PDS5B: variants seen among roughly 807,000 people sequenced by gnomAD.
PDS5B encodes the protein PDS5 cohesin associated factor B.
Under a neutral mutation model 184.1 loss-of-function variants are expected in PDS5B, and 51 were observed. The observed-to-expected ratio is 0.28, with a 90% confidence interval of 0.22 to 0.35. PDS5B has a LOEUF of 0.35. Among genes scored for constraint, PDS5B ranks in the 10% least tolerant of loss-of-function variants. The pLI, the probability that PDS5B is intolerant of heterozygous loss-of-function variation, is 1.00. For synonymous variants in PDS5B, 566 were observed against 569.2 expected (o/e 0.99, Z 0.08); for missense variants, 1,180 against 1,723.3 (o/e 0.68, Z 5.58).
At chr13:32,662,775 T>G (rs1424962422) in intron 6 of PDS5B, among the ~76,000 whole-genome samples, 2 of 152,100 alleles carry the variant, frequency 1.3e-5, no homozygotes, top group African/African-American at 2.4e-5. Context: ...ATTAGTGAAA[T>G]AGAAAACACA....
intron 1 of PDS5B, among the ~76,000 whole-genome samples, chr13:32,607,116 C>A (rs1181249146): frequency 2.0e-5 from 3 of 152,248 alleles, no homozygotes; most frequent in Non-Finnish European, 4.4e-5. Flanking sequence ...AGCTGTGTTC[C>A]TTTGGAGGAG....
At chr13:32,726,233 T>C (rs1037792841) in intron 19 of PDS5B, among the ~76,000 whole-genome samples, 1 of 151,936 alleles carries the variant, frequency 6.6e-6, no homozygotes, top group Admixed American at 6.6e-5. Flanking sequence ...AGATAAACTA[T>C]ATACACTTTT....
chr13:32,641,127 C>T lies in PDS5B; in HGVS notation c.-19-7627C>T, dbSNP rs145303451. 6.2e-4 allele frequency among the ~76,000 whole-genome samples: 94 copies of T among 151,310 alleles called. No homozygotes were observed. In the East Asian group the frequency reaches 0.017, roughly 27 times the overall value. The stretch of plus-strand genomic sequence containing the variant: ...TTTATAAAATAGAGTCTGATATAGG[C>T]CAGTTTTATATGACTATTTTCTAAG... On this transcript the variant is annotated intron_variant, in intron 1 of 34. Transcript: ENST00000315596.
At chr13:32,628,343 G>A (rs1185116650) in intron 1 of PDS5B, among the ~76,000 whole-genome samples, 1 of 151,928 alleles carries the variant, frequency 6.6e-6, no homozygotes, top group Non-Finnish European at 1.5e-5. Context: ...GATCACTTGA[G>A]GTCAGGAGTT....
intron 7 of PDS5B, among the ~76,000 whole-genome samples, chr13:32,669,271 A>C (rs907637598): frequency 8.6e-5 from 13 of 151,158 alleles, no homozygotes; most frequent in Middle Eastern, 7.0e-3. Flanking sequence ...TCATATTGCC[A>C]AGCCAGTTTT....
chr13:32,709,896 T>C, intron 18 of PDS5B, 50 bp from the exon 19 acceptor site: 2 of 1,118,298 alleles, frequency 1.8e-6, no homozygotes, highest in Non-Finnish European at 2.4e-6. Context: ...TGGATTTGTA[T>C]TATAAAGATG....
intron 19 of PDS5B, among the ~76,000 whole-genome samples, chr13:32,716,608 A>C (rs1164241622): frequency 3.6e-5 from 5 of 140,206 alleles, no homozygotes; most frequent in Non-Finnish European, 6.2e-5. Context: ...CCCATCCGGG[A>C]GGGAGGTGGG....
At chr13:32,616,588 G>A (rs1384006813) in intron 1 of PDS5B, among the ~76,000 whole-genome samples, 1 of 152,146 alleles carries the variant, frequency 6.6e-6, no homozygotes, top group Admixed American at 6.5e-5. Context: ...ACAAGAAAAT[G>A]TAGCCCGAGT....
At chr13:32,748,607 T>C (rs1953848897) in intron 24 of PDS5B, among the ~76,000 whole-genome samples, 1 of 152,060 alleles carries the variant, frequency 6.6e-6, no homozygotes, top group South Asian at 2.1e-4. Flanking sequence ...AAGACTCGGG[T>C]CCTACTTCAA....
chr13:32,610,969 T>G (rs2058132299), intron 1 of PDS5B, among the ~76,000 whole-genome samples: 2 of 152,090 alleles, frequency 1.3e-5, no homozygotes, highest in Admixed American at 1.3e-4. Flanking sequence ...AGGCTGAAAT[T>G]ATCACTTTCC....
At chr13:32,639,871 G>T (rs1446785135) in intron 1 of PDS5B, among the ~76,000 whole-genome samples, 2 of 152,216 alleles carry the variant, frequency 1.3e-5, no homozygotes, top group African/African-American at 4.8e-5. Flanking sequence ...ATGGATTCTA[G>T]TAGTGGTTTG....
chr13:32,586,872 G>T (rs1239843980), intron 1 of PDS5B, among the ~76,000 whole-genome samples: 1 of 45,946 alleles, frequency 2.2e-5, no homozygotes, highest in Non-Finnish European at 4.3e-5. Context: ...CGCGGGTTCT[G>T]CCGCAGCCTC....
intron 1 of PDS5B, among the ~76,000 whole-genome samples, chr13:32,603,195 C>T (rs1403303760): frequency 6.6e-6 from 1 of 152,140 alleles, no homozygotes; most frequent in Non-Finnish European, 1.5e-5. Context: ...ATGGTATTAC[C>T]TAGGTTTTCT....
At chr13:32,720,884 G>A (rs1333214329) in intron 19 of PDS5B, among the ~76,000 whole-genome samples, 1 of 152,042 alleles carries the variant, frequency 6.6e-6, no homozygotes, top group Non-Finnish European at 1.5e-5. Flanking sequence ...GTTTAACAAA[G>A]CACATCTTGC....
At chr13:32,769,511 G>A (rs117371643) in intron 31 of PDS5B, among the ~76,000 whole-genome samples, 2,422 of 152,278 alleles carry the variant, frequency 0.016, 35 homozygotes, top group South Asian at 0.06. Context: ...TATTTTAAAT[G>A]TGAAAGCCAC....
At chr13:32,666,267 G>A (rs932494430) in intron 6 of PDS5B, among the ~76,000 whole-genome samples, 2 of 151,984 alleles carry the variant, frequency 1.3e-5, no homozygotes, top group African/African-American at 4.8e-5. Context: ...TATTGGAGAC[G>A]GGGTTTTGCC....
chr13:32,608,174 A>G (rs191254899), intron 1 of PDS5B, among the ~76,000 whole-genome samples: 78 of 152,300 alleles, frequency 5.1e-4, no homozygotes, highest in Admixed American at 1.4e-3. Flanking sequence ...GCCATCTTGA[A>G]GAGGGATCTT....
chr13:32,723,972 A>AT (rs1167822285), intron 19 of PDS5B, among the ~76,000 whole-genome samples: 15 of 152,070 alleles, frequency 9.9e-5, no homozygotes, highest in African/African-American at 3.6e-4. Context: ...AGCCAGCTTT[A>AT]TTTTTTCTGT....
At chr13:32,683,684 T>C (rs1403597602) in intron 10 of PDS5B, among the ~76,000 whole-genome samples, 194 bp from the exon 11 acceptor site, 1 of 152,210 alleles carries the variant, frequency 6.6e-6, no homozygotes, top group African/African-American at 2.4e-5. Context: ...TATTACTCAA[T>C]TGGATGTCAA....
Sources: gnomAD v4.1 joint callset for allele counts (sites outside exome capture counted in the v4.1 genomes callset) on GRCh38, gnomAD v4.1.1 for gene constraint, MANE v1.5 for transcripts, NCBI Gene and HGNC (gene_info 2026-07-23, HGNC 2026-07-21) for gene names.